The following APTX variants were observed in gnomAD, a reference collection of about 807,000 sequenced individuals.
The protein encoded by APTX is aprataxin.
Under a neutral mutation model 42.3 loss-of-function variants are expected in APTX, and 33 were observed. The observed-to-expected ratio is 0.78, with a 90% CI of 0.59 to 1.04. The LOEUF is 1.04. Ranked by LOEUF, APTX falls within the 50% of genes least tolerant of loss-of-function variation. APTX has a pLI of 0.00. For missense variants in APTX, 421 were observed against 415.1 expected (o/e 1.01, Z -0.12); for synonymous variants, 130 against 146.7 (o/e 0.89, Z 0.82).
At position 32,972,655 on chromosome 9, in the gene APTX, T is replaced by C. The variant is rs942631201; in HGVS notation, c.*843A>G. Reference sequence around the variant, plus strand: ...TTATTCTCAGGGAAAAAGAAAGTAGTGGCTCTACGCAACTTTTTCATTCAC... The same window carrying C: ...TTATTCTCAGGGAAAAAGAAAGTAGCGGCTCTACGCAACTTTTTCATTCAC... On this transcript the variant is annotated 3_prime_UTR_variant, in exon 8 of 8. Transcript: ENST00000379817. 7 of 418,328 alleles carry C rather than the reference T, an allele frequency of 1.7e-5. No homozygotes were observed. The highest frequency in any genetic ancestry group is 8.3e-5 in the Admixed American group (3 of 36,208). The allele number at this position is 418,328 out of a possible 1,614,324, so 25.9% of individuals were successfully genotyped here.
intron 6 of APTX, among the ~76,000 whole-genome samples, chr9:32,976,478 G>C (rs796810935): frequency 6.6e-6 from 1 of 152,064 alleles, no homozygotes; most frequent in Non-Finnish European, 1.5e-5. Flanking sequence ...CACCAAATAA[G>C]ACTCAAGACA....
intron 1 of APTX, among the ~76,000 whole-genome samples, chr9:33,019,377 TAA>T (rs766855164): frequency 1.3e-5 from 2 of 152,142 alleles, no homozygotes; most frequent in African/African-American, 2.4e-5. Flanking sequence ...CCCAGTTAAT[TAA>T]AAACTAAATA....
intron 6 of APTX, among the ~76,000 whole-genome samples, chr9:32,981,235 C>A (rs1192785968): frequency 6.6e-6 from 1 of 151,972 alleles, no homozygotes; most frequent in African/African-American, 2.4e-5. Context: ...TAGGACTGAA[C>A]AAGTAAATGA....
chr9:32,989,557 C>T (rs772051912), intron 2 of APTX: 2 of 794,080 alleles, frequency 2.5e-6, no homozygotes, highest in African/African-American at 3.4e-5. Context: ...AACCTTCACC[C>T]ACCCTGCCTT....
rs1400405405 is a variant in APTX at position 32,989,831 on chromosome 9, G to T, written c.61C>A (p.His21Asn). ...CGCCCAATCACAACTGCTTCCAAAT[G>T]TGGAAGTCTGATTCGCTGGTGCCGG... ...DSRHQRIRLP[H>N]LEAVVIGRGP... is the part of the protein sequence containing the mutation. The change falls in exon 2 of 8, where the codon CAT becomes AAT. Residue 21 changes from histidine (H) to asparagine (N), a missense_variant. His to Asn is a moderately conservative substitution (Grantham distance 68). Transcript: ENST00000379817. The T allele has an allele frequency of 6.2e-7, 1 of 1,614,234 alleles. No homozygotes were observed. Among genetic ancestry groups the T allele is most frequent in the Non-Finnish European group, 8.5e-7 (1 of 1,180,034 alleles).
At chr9:32,991,792 A>T (rs1296715500) in intron 1 of APTX, among the ~76,000 whole-genome samples, 2 of 148,760 alleles carry the variant, frequency 1.3e-5, no homozygotes, top group Non-Finnish European at 3.0e-5. Context: ...AAAAAAAAAA[A>T]GGCGAGACAC....
intron 4 of APTX, 118 bp downstream of exon 4, chr9:32,987,426 C>A: frequency 7.3e-7 from 1 of 1,365,766 alleles, no homozygotes; most frequent in African/African-American, 1.4e-5. Context: ...ACAAGTGACT[C>A]TTTCATCATG....
intron 1 of APTX, among the ~76,000 whole-genome samples, chr9:33,000,401 C>T (rs546538707): frequency 2.6e-5 from 4 of 151,924 alleles, no homozygotes; most frequent in Non-Finnish European, 5.9e-5. Flanking sequence ...CCGAGGGGGG[C>T]GAATCACCTG....
At chr9:33,016,007 T>C (rs1014160522) in intron 1 of APTX, 1 of 152,258 alleles carries the variant, frequency 6.6e-6, no homozygotes, top group Admixed American at 6.5e-5. Context: ...ATCTAGAAGA[T>C]GTATATACAC....
chr9:32,984,576 C>G, intron 6 of APTX, 55 bp downstream of exon 6: 1 of 1,556,630 alleles, frequency 6.4e-7, no homozygotes, highest in Non-Finnish European at 8.9e-7. Context: ...CAGGCTGAAT[C>G]TATCTGCCCA....
intron 1 of APTX, among the ~76,000 whole-genome samples, chr9:33,023,246 CAG>C (rs1838540494): frequency 6.6e-6 from 1 of 151,414 alleles, no homozygotes; most frequent in African/African-American, 2.4e-5. Flanking sequence ...TGAGACTCGA[CAG>C]AGTCTTGCTC....
intron 2 of APTX, among the ~76,000 whole-genome samples, chr9:32,989,043 G>A (rs1298228286): frequency 6.6e-6 from 1 of 152,192 alleles, no homozygotes; most frequent in African/African-American, 2.4e-5. Context: ...CCACATACAT[G>A]CCCCTTCAGT....
intron 4 of APTX, among the ~76,000 whole-genome samples, chr9:32,986,476 C>T (rs1047102452): frequency 2.0e-5 from 3 of 151,968 alleles, no homozygotes; most frequent in Non-Finnish European, 2.9e-5. Context: ...GGATTACAGG[C>T]GTGAGCCACC....
chr9:32,995,162 C>T (rs561696770), intron 1 of APTX, among the ~76,000 whole-genome samples: 74 of 152,296 alleles, frequency 4.9e-4, no homozygotes, highest in African/African-American at 1.7e-3. Context: ...TTCTGACTTT[C>T]AAGTGTTATT....
chr9:33,011,572 A>G (rs768150360), intron 1 of APTX, among the ~76,000 whole-genome samples: 1 of 152,172 alleles, frequency 6.6e-6, no homozygotes, highest in Non-Finnish European at 1.5e-5. Context: ...GGCATGAGCC[A>G]CCGCGCCCGC....
At chr9:33,003,582 A>G (rs1836899227), upstream of APTX, among the ~76,000 whole-genome samples, 1 of 152,094 alleles carries the variant, frequency 6.6e-6, no homozygotes, top group Non-Finnish European at 1.5e-5. Context: ...CAGTGAGCCA[A>G]GATCACTCCA....
chr9:32,987,458 T>C (rs765299372), intron 4 of APTX, 86 bp downstream of exon 4: 6 of 1,555,780 alleles, frequency 3.9e-6, no homozygotes, highest in Non-Finnish European at 5.3e-6. Context: ...CTCACGCATT[T>C]CTGAACTTTA....
chr9:32,995,995 C>A lies in APTX; in HGVS notation c.-5+5572G>T, dbSNP rs537516769. Among the ~76,000 whole-genome samples the A allele has an allele frequency of 7.9e-5, 12 of 152,112 alleles. 1 individual carries two copies. The highest frequency in any genetic ancestry group is 7.9e-4 in the Admixed American group (12 of 15,284). On this transcript the variant is annotated intron_variant, in intron 1 of 7. Coordinates refer to ENST00000379817, the MANE Select transcript of APTX (RefSeq NM_001195248.2). ...CAAGGCAAGACCCCCCCTACATCAG[C>A]AAAAAGATCACAACTCACTGAAGGC...
chr9:32,976,537 T>C (rs1053853932), intron 6 of APTX, among the ~76,000 whole-genome samples: 1 of 152,212 alleles, frequency 6.6e-6, no homozygotes, highest in Non-Finnish European at 1.5e-5. Context: ...GCTTTAATGA[T>C]TTATACAATC....
Sources: allele counts gnomAD v4.1 joint callset (sites outside exome capture counted in the v4.1 genomes callset), GRCh38; gene constraint gnomAD v4.1.1; transcripts MANE v1.5; gene names NCBI Gene and HGNC (gene_info 2026-07-23, HGNC 2026-07-21).